The following MSRA variants were observed in gnomAD, a reference collection of about 807,000 sequenced individuals.
The protein encoded by MSRA is mitochondrial peptide methionine sulfoxide reductase.
MSRA carries 54 observed loss-of-function variants against 31.3 expected under a neutral mutation model. The ratio of observed to expected loss-of-function variants is 1.73; its 90% CI spans 1.39 to 2.17. The LOEUF (loss-of-function observed/expected upper bound fraction) is 2.17, where lower values mean the gene tolerates loss of function less well. Among genes scored for constraint, MSRA ranks in the 30% most tolerant of loss-of-function variants. MSRA has a pLI of 0.00. For synonymous variants in MSRA, 169 were observed against 116.5 expected (o/e 1.45, Z -2.90); for missense variants, 507 against 300.9 (o/e 1.69, Z -5.07).
At chr8:10,253,567 T>C (rs1798025908) in intron 3 of MSRA, among the ~76,000 whole-genome samples, 1 of 152,168 alleles carries the variant, frequency 6.6e-6, no homozygotes, top group Non-Finnish European at 1.5e-5. Context: ...TAGAAATAGG[T>C]TATTCTTTCA....
chr8:10,384,145 G>A (rs1350422432), intron 5 of MSRA, among the ~76,000 whole-genome samples: 2 of 152,158 alleles, frequency 1.3e-5, no homozygotes, highest in Admixed American at 6.5e-5. Context: ...AGAGCCTGAC[G>A]GGTGACGTAT....
chr8:10,219,339 C>G (rs1420429113), intron 2 of MSRA, among the ~76,000 whole-genome samples: 3 of 152,132 alleles, frequency 2.0e-5, no homozygotes, highest in African/African-American at 7.2e-5. Context: ...GTAGGTAAAA[C>G]TGTTCGTGGT....
chr8:10,107,280 T>G (rs1799950192), intron 1 of MSRA, among the ~76,000 whole-genome samples: 1 of 152,014 alleles, frequency 6.6e-6, no homozygotes, highest in Non-Finnish European at 1.5e-5. Flanking sequence ...TTTTTTTTAA[T>G]TTAACACTTA....
chr8:10,101,368 A>G (rs544303248), intron 1 of MSRA, among the ~76,000 whole-genome samples: 48 of 152,312 alleles, frequency 3.2e-4, no homozygotes, highest in South Asian at 1.2e-3. Context: ...TAATTTTTAG[A>G]AATTGTGATA....
chr8:10,394,098 G>A (rs1020714164), intron 5 of MSRA, among the ~76,000 whole-genome samples: 1 of 152,168 alleles, frequency 6.6e-6, no homozygotes, highest in Non-Finnish European at 1.5e-5. Context: ...CGGCATCTGC[G>A]TCTTGTATAT....
At chr8:10,328,473 T>A (rs1802506754) in intron 5 of MSRA, among the ~76,000 whole-genome samples, 1 of 152,116 alleles carries the variant, frequency 6.6e-6, no homozygotes. Context: ...TATCTGTTCC[T>A]GGACAACTGA....
intron 1 of MSRA, among the ~76,000 whole-genome samples, chr8:10,102,601 C>G (rs536302894): frequency 6.2e-4 from 95 of 152,324 alleles, no homozygotes; most frequent in African/African-American, 2.2e-3. Flanking sequence ...GTTGGCATCT[C>G]TTGACTGTGT....
chr8:10,108,511 A>G (rs958194642), intron 1 of MSRA, among the ~76,000 whole-genome samples: 3 of 151,872 alleles, frequency 2.0e-5, no homozygotes, highest in Admixed American at 1.3e-4. Flanking sequence ...TTTTTTCCTG[A>G]TTTATATTTT....
At chr8:10,063,460 C>T (rs923781266) in intron 1 of MSRA, among the ~76,000 whole-genome samples, 1 of 152,186 alleles carries the variant, frequency 6.6e-6, no homozygotes, top group African/African-American at 2.4e-5. Context: ...TCTCCACTTC[C>T]ACCCCGAGGC....
intron 1 of MSRA, among the ~76,000 whole-genome samples, chr8:10,159,051 G>T (rs1159625669): frequency 1.3e-5 from 2 of 152,214 alleles, no homozygotes; most frequent in Non-Finnish European, 2.9e-5. Context: ...TATCAAAGAG[G>T]ATGGATGAGA....
chr8:10,426,632 A>G (rs1309161294), intron 5 of MSRA, among the ~76,000 whole-genome samples: 3 of 152,264 alleles, frequency 2.0e-5, no homozygotes, highest in Non-Finnish European at 4.4e-5. Context: ...TGGGGAATGC[A>G]GTCTGCGAGC....
intron 5 of MSRA, among the ~76,000 whole-genome samples, chr8:10,361,600 C>G (rs1221421163): frequency 6.6e-6 from 1 of 152,148 alleles, no homozygotes; most frequent in Non-Finnish European, 1.5e-5. Context: ...CAAGCCATTA[C>G]TGGGAGAGCA....
intron 3 of MSRA, among the ~76,000 whole-genome samples, chr8:10,253,538 C>G (rs1233092761): frequency 6.6e-6 from 1 of 152,132 alleles, no homozygotes; most frequent in Non-Finnish European, 1.5e-5. Context: ...ATAAAAACAT[C>G]CTTTTACCCA....
chr8:10,155,319 A>G (rs1175038907), intron 1 of MSRA, among the ~76,000 whole-genome samples: 1 of 152,190 alleles, frequency 6.6e-6, no homozygotes, highest in African/African-American at 2.4e-5. Context: ...AGACATAAAT[A>G]TGAGGAATGT....
intron 5 of MSRA, among the ~76,000 whole-genome samples, chr8:10,394,558 A>G (rs1482781955): frequency 6.6e-6 from 1 of 152,244 alleles, no homozygotes; most frequent in Non-Finnish European, 1.5e-5. Flanking sequence ...CAGCTCTGTC[A>G]GATTGACAGA....
chr8:10,221,737 G>C (rs1464165747), intron 2 of MSRA, among the ~76,000 whole-genome samples: 1 of 152,216 alleles, frequency 6.6e-6, no homozygotes, highest in Non-Finnish European at 1.5e-5. Context: ...AGCAGGGAAA[G>C]AGAATAGGAA....
At chr8:10,408,799 G>A (rs561604531) in intron 5 of MSRA, among the ~76,000 whole-genome samples, 3 of 115,778 alleles carry the variant, frequency 2.6e-5, no homozygotes, top group South Asian at 5.9e-4. Flanking sequence ...GCTCCCATCC[G>A]TAAGATAGAA....
intron 4 of MSRA, among the ~76,000 whole-genome samples, chr8:10,314,313 A>G (rs1206165494): frequency 6.6e-6 from 1 of 152,212 alleles, no homozygotes; most frequent in Non-Finnish European, 1.5e-5. Context: ...ACTTAAATGT[A>G]TGTGCAGTAT....
At chr8:10,154,089 A>G (rs1359687239) in intron 1 of MSRA, among the ~76,000 whole-genome samples, 2 of 152,240 alleles carry the variant, frequency 1.3e-5, no homozygotes, top group Non-Finnish European at 2.9e-5. Flanking sequence ...ATAGTCTGGT[A>G]TCCTTAACCC....
Sources: gnomAD v4.1 joint callset for allele counts (sites outside exome capture counted in the v4.1 genomes callset) on GRCh38, gnomAD v4.1.1 for gene constraint, MANE v1.5 for transcripts, NCBI Gene and HGNC (gene_info 2026-07-23, HGNC 2026-07-21) for gene names.